The following MGAT5 variants were observed in gnomAD, a reference collection of about 807,000 sequenced individuals.
MGAT5 encodes alpha-1,6-mannosylglycoprotein 6-beta-N-acetylglucosaminyltransferase.
MGAT5 carries 30 observed loss-of-function variants against 94.3 expected under a neutral mutation model. That is an observed-to-expected ratio of 0.32 (90% CI 0.24 to 0.43). MGAT5 has a LOEUF of 0.43. Among genes scored for constraint, MGAT5 ranks in the 20% least tolerant of loss-of-function variants. The probability of loss-of-function intolerance (pLI) is 1.00; values close to 1 mark genes in which losing one functional copy is unlikely to be tolerated. For missense variants in MGAT5, 691 were observed against 905.5 expected (o/e 0.76, Z 3.04); for synonymous variants, 310 against 322.9 (o/e 0.96, Z 0.43).
chr2:134,166,353 T>G (rs1558966180), intron 1 of MGAT5, among the ~76,000 whole-genome samples: 1 of 152,242 alleles, frequency 6.6e-6, no homozygotes, highest in Non-Finnish European at 1.5e-5. Flanking sequence ...ATTCTGACTT[T>G]TATTCTCTTC....
At chr2:134,242,865 C>T (rs1049573052) in intron 1 of MGAT5, among the ~76,000 whole-genome samples, 1 of 152,144 alleles carries the variant, frequency 6.6e-6, no homozygotes, top group Non-Finnish European at 1.5e-5. Flanking sequence ...CTCTACAAGT[C>T]CTTCCATAGT....
intron 3 of MGAT5, among the ~76,000 whole-genome samples, chr2:134,318,004 G>C (rs1384092063): frequency 1.3e-5 from 2 of 152,216 alleles, no homozygotes; most frequent in Non-Finnish European, 2.9e-5. Context: ...CCTCCAGACT[G>C]TGGTTTAAGT....
intron 2 of MGAT5, among the ~76,000 whole-genome samples, chr2:134,308,481 A>C (rs16830388): frequency 0.017 from 2,646 of 152,264 alleles, 89 homozygotes; most frequent in African/African-American, 0.06. Context: ...GCCCATGGAA[A>C]GTGTATATGG....
intron 1 of MGAT5, among the ~76,000 whole-genome samples, chr2:134,223,282 G>C (rs377516704): frequency 6.6e-6 from 1 of 151,856 alleles, no homozygotes; most frequent in Non-Finnish European, 1.5e-5. Context: ...ACAATCTTAC[G>C]TACCCACCTT....
In MGAT5 at chr2:134,144,415, CAGG is replaced by C. The variant is rs1686811096; in HGVS notation, c.-143+24127_-143+24129del. On this transcript the variant is annotated intron_variant, in intron 1 of 16. Transcript: ENST00000409645. The stretch of plus-strand genomic sequence containing the variant: ...TATCTCACAATAACTTACTCACTGT[CAGG>C]AGAATAGCACCTAGGGGATGGTGCT... 2.0e-5 allele frequency among the ~76,000 whole-genome samples: 3 copies of C among 152,238 alleles called. No homozygotes were observed. The East Asian group carries it at 5.8e-4, about 29-fold the overall frequency.
chr2:134,254,356 A>G lies in MGAT5; in HGVS notation c.-48A>G. The G allele has an allele frequency of 1.9e-6, 3 of 1,604,398 alleles. No individual in the cohort carries two copies. Among genetic ancestry groups the G allele is most frequent in the African/African-American group, 1.3e-5 (1 of 74,748 alleles). ...CAACCTACACCATGAATTTGTGTCTATCTTCTACGCGTTAAGAGCCAAGGA... is the reference window on the plus strand; with the variant it reads ...CAACCTACACCATGAATTTGTGTCTGTCTTCTACGCGTTAAGAGCCAAGGA... On this transcript the variant is annotated 5_prime_UTR_variant, in exon 1 of 16. Transcript: ENST00000281923.
upstream of MGAT5, among the ~76,000 whole-genome samples, chr2:134,251,195 T>C (rs1331413629): frequency 2.0e-5 from 3 of 149,638 alleles, no homozygotes; most frequent in Non-Finnish European, 3.0e-5. Context: ...GAGTATGGGT[T>C]ATCAAAAAAA....
At chr2:134,347,201 A>G (rs1036313358) in intron 8 of MGAT5, among the ~76,000 whole-genome samples, 5 of 152,244 alleles carry the variant, frequency 3.3e-5, no homozygotes, top group African/African-American at 1.2e-4. Context: ...CTTCCATGTC[A>G]TAGACCAAGT....
chr2:134,218,106 T>TGATGAG (rs1294700870), intron 1 of MGAT5, among the ~76,000 whole-genome samples: 1 of 152,154 alleles, frequency 6.6e-6, no homozygotes, highest in Non-Finnish European at 1.5e-5. Flanking sequence ...TGAGTCACAG[T>TGATGAG]GGTATAGATG....
chr2:134,338,152 C>A, intron 5 of MGAT5, 107 bp from the exon 6 acceptor site: 1 of 928,532 alleles, frequency 1.1e-6, no homozygotes, highest in Non-Finnish European at 1.6e-6. Flanking sequence ...TTGAAGCTCT[C>A]AATTTAATTG....
intron 12 of MGAT5, among the ~76,000 whole-genome samples, chr2:134,413,237 C>G (rs546369775): frequency 5.9e-5 from 9 of 152,168 alleles, no homozygotes; most frequent in African/African-American, 1.7e-4. Context: ...ACTCTACCCC[C>G]ACTCTAGCTT....
intron 14 of MGAT5, among the ~76,000 whole-genome samples, chr2:134,435,826 G>A (rs545208280): frequency 2.2e-4 from 34 of 152,306 alleles, no homozygotes; most frequent in Non-Finnish European, 7.4e-5. Flanking sequence ...AGGAGATAAG[G>A]CAAGTTGGCA....
intron 1 of MGAT5, among the ~76,000 whole-genome samples, chr2:134,169,737 T>C (rs980991514): frequency 6.6e-6 from 1 of 152,106 alleles, no homozygotes; most frequent in Non-Finnish European, 1.5e-5. Flanking sequence ...CTGCAGGAAA[T>C]GATATTTAAG....
chr2:134,349,160 G>A (rs1422238921), intron 8 of MGAT5, among the ~76,000 whole-genome samples: 2 of 152,090 alleles, frequency 1.3e-5, no homozygotes, highest in African/African-American at 4.8e-5. Flanking sequence ...AAAAATAGGC[G>A]GTAGACCAGA....
intron 11 of MGAT5, among the ~76,000 whole-genome samples, chr2:134,411,668 C>T (rs1221238402): frequency 2.0e-5 from 3 of 152,184 alleles, no homozygotes; most frequent in Non-Finnish European, 4.4e-5. Context: ...GGCCTGGCAC[C>T]CTCCAGCTGA....
chr2:134,234,841 G>T (rs1434171767), intron 1 of MGAT5, among the ~76,000 whole-genome samples: 1 of 152,220 alleles, frequency 6.6e-6, no homozygotes, highest in Non-Finnish European at 1.5e-5. Context: ...TCATGAGGTG[G>T]ACTGAGCAGG....
chr2:134,285,738 C>G (rs1337314503), intron 2 of MGAT5, among the ~76,000 whole-genome samples: 1 of 151,962 alleles, frequency 6.6e-6, no homozygotes, highest in African/African-American at 2.4e-5. Flanking sequence ...TTGCTTTTTT[C>G]TTATCTTGCA....
intron 10 of MGAT5, among the ~76,000 whole-genome samples, chr2:134,392,981 A>G (rs1403389087): frequency 6.6e-6 from 1 of 152,122 alleles, no homozygotes; most frequent in African/African-American, 2.4e-5. Flanking sequence ...CTCAGCCATA[A>G]CTAAGTGCTG....
chr2:134,353,392 T>C (rs991939973), intron 9 of MGAT5, among the ~76,000 whole-genome samples: 1 of 152,170 alleles, frequency 6.6e-6, no homozygotes. Flanking sequence ...GAAACTGTTA[T>C]GGGTATGTTG....
Sources: gnomAD v4.1 joint callset for allele counts (sites outside exome capture counted in the v4.1 genomes callset) on GRCh38, gnomAD v4.1.1 for gene constraint, MANE v1.5 for transcripts, NCBI Gene and HGNC (gene_info 2026-07-23, HGNC 2026-07-21) for gene names.